Variants in KCNQ1OT1 observed in about 807,000 individuals in gnomAD.
The protein encoded by KCNQ1OT1 is KCNQ1 opposite strand/antisense transcript 1, also known as KCNQ1 antisense RNA 2 (non-protein coding).
chr11:2,640,562 CTT>C lies in KCNQ1OT1; in HGVS notation n.59431_59432del, dbSNP rs58881533. On this transcript the variant is annotated non_coding_transcript_exon_variant, in exon 1 of 1. Coordinates refer to ENST00000597346, the Ensembl canonical transcript of KCNQ1OT1. ...TGGCCCCCCAAAGCACTGGGATTTC[CTT>C]TTTTTTTTTTTTTTGACCGATACAT... 0.63 allele frequency: 241,577 copies of C among 385,424 alleles called. 52,066 individuals are homozygous for C. The highest frequency in any genetic ancestry group is 0.76 in the African/African-American group (34,506 of 45,676). The allele number at this position is 385,424 out of a possible 1,614,324, so 23.9% of individuals were successfully genotyped here. A position where few individuals can be genotyped will look rare whatever the true frequency, so the allele number is the denominator to read the frequency against.
chr11:2,662,134 G>A, exon 1 of KCNQ1OT1: 2 of 1,611,776 alleles, frequency 1.2e-6, no homozygotes, highest in Non-Finnish European at 1.7e-6. Context: ...TGGAGCTCAA[G>A]GAGTCAGACT....
rs1419448294 is a variant in KCNQ1OT1, at chr11:2,687,811, C to T, written n.12184G>A. On this transcript the variant is annotated non_coding_transcript_exon_variant, in exon 1 of 1. Coordinates refer to ENST00000597346, the Ensembl canonical transcript of KCNQ1OT1. The surrounding 1 kb of genome is among the most constrained non-coding windows in gnomAD (Gnocchi z 5.0). Reference sequence around the variant, plus strand: ...CTAAGCCACCCAGCCTGGCCCCCCTCCTCTGCCCCAACTGGCTCCAGGCCA... The same window carrying T: ...CTAAGCCACCCAGCCTGGCCCCCCTTCTCTGCCCCAACTGGCTCCAGGCCA... 3 of 398,660 alleles carry T rather than the reference C, an allele frequency of 7.5e-6. No homozygotes were observed. Among genetic ancestry groups the T allele is most frequent in the Non-Finnish European group, 1.3e-5 (3 of 226,196 alleles). The allele number at this position is 398,660 out of a possible 1,614,324, so 24.7% of individuals were successfully genotyped here.
rs1425107328 is a variant in KCNQ1OT1, at chr11:2,627,137, C to T, written n.72858G>A. 2.5e-6 allele frequency: 1 copy of T among 398,322 alleles called. No homozygotes were observed. The highest frequency in any genetic ancestry group is 4.4e-5 in the Admixed American group (1 of 22,698). The allele number at this position is 398,322 out of a possible 1,614,324, so 24.7% of individuals were successfully genotyped here. A position where few individuals can be genotyped will look rare whatever the true frequency, so the allele number is the denominator to read the frequency against. Reference sequence around the variant, plus strand: ...TTTCATTGTACAAGACTTTCACCTCCTTGGTAAAGTTGGTTCCTAAGTTTG... The same window carrying T: ...TTTCATTGTACAAGACTTTCACCTCTTTGGTAAAGTTGGTTCCTAAGTTTG... On this transcript the variant is annotated non_coding_transcript_exon_variant, in exon 1 of 1. Coordinates refer to ENST00000597346, the Ensembl canonical transcript of KCNQ1OT1. This position sits in a 1 kb window ranked among gnomAD's most constrained non-coding sequence, Gnocchi z 4.9.
At chr11:2,646,360 G>A in exon 1 of KCNQ1OT1, 2 of 398,512 alleles carry the variant, frequency 5.0e-6, no homozygotes, top group East Asian at 7.1e-5. Context: ...AAAAAATTTT[G>A]TAGCCTCTTC....
At chr11:2,655,417 C>G (rs1195040987) in exon 1 of KCNQ1OT1, 2 of 398,556 alleles carry the variant, frequency 5.0e-6, no homozygotes, top group Non-Finnish European at 8.8e-6. Context: ...CTCTTTGTCC[C>G]CAGGGCCAGC....
chr11:2,655,934 C>T (rs545164415), exon 1 of KCNQ1OT1: 14 of 398,714 alleles, frequency 3.5e-5, no homozygotes, highest in African/African-American at 2.5e-4. Context: ...CCAAAAAGCA[C>T]ACATTCCTCT....
At position 2,665,151 on chromosome 11, in the gene KCNQ1OT1, AC is replaced by A. The variant is rs1405647895; in HGVS notation, n.34843del. On this transcript the variant is annotated non_coding_transcript_exon_variant, in exon 1 of 1. Transcript: ENST00000597346. ...GTGGGCCCTACTGCTCAGCCTCAGGACCCTCAACCAGCTCTGGGCGGCCAGG... is the reference window on the plus strand; with the variant it reads ...GTGGGCCCTACTGCTCAGCCTCAGGACCTCAACCAGCTCTGGGCGGCCAGG... 4.5e-5 allele frequency: 18 copies of A among 398,482 alleles called. No homozygotes were observed. The East Asian group carries it at 5.7e-4, about 13-fold the overall frequency. The allele number at this position is 398,482 out of a possible 1,614,324, so 24.7% of individuals were successfully genotyped here.
At position 2,651,885 on chromosome 11, in the gene KCNQ1OT1, G is replaced by T. The variant is rs566632405; in HGVS notation, n.48110C>A. On this transcript the variant is annotated non_coding_transcript_exon_variant, in exon 1 of 1. Transcript: ENST00000597346. The surrounding 1 kb of genome is among the most constrained non-coding windows in gnomAD (Gnocchi z 6.1). ...TTGAAGTAGTGTTCAGGCTGAGGGG[G>T]TCATAGCCGAGGGTCCCTCTGGGGC... 7.5e-5 allele frequency: 30 copies of T among 398,746 alleles called. 1 individual carries two copies. In the South Asian group the frequency reaches 2.0e-3, roughly 27 times the overall value. The allele number at this position is 398,746 out of a possible 1,614,324, so 24.7% of individuals were successfully genotyped here.
chr11:2,613,973 A>C lies in KCNQ1OT1; in HGVS notation n.86022T>G. The stretch of plus-strand genomic sequence containing the variant: ...TAACAACATCTCCTAGAAATCACTC[A>C]ACATCCATTCACAGAGATCTTTCTC... On this transcript the variant is annotated non_coding_transcript_exon_variant, in exon 1 of 1. Coordinates refer to ENST00000597346, the Ensembl canonical transcript of KCNQ1OT1. This position sits in a 1 kb window ranked among gnomAD's most constrained non-coding sequence, Gnocchi z 4.8. 2 of 398,614 alleles carry C rather than the reference A, an allele frequency of 5.0e-6. No individual in the cohort carries two copies. Among genetic ancestry groups the C allele is most frequent in the Non-Finnish European group, 8.8e-6 (2 of 226,066 alleles). 24.7% of individuals were successfully genotyped at this position (398,614 alleles called of 1,614,324 possible). A position where few individuals can be genotyped will look rare whatever the true frequency, so the allele number is the denominator to read the frequency against.
At position 2,679,331 on chromosome 11, in the gene KCNQ1OT1, A is replaced by C. The variant is rs1850347292; in HGVS notation, n.20664T>G. ...GGTCTGGAGTCTGAACTCATATCCT[A>C]ATTCCACTACTTTCTACCTGCTACA... On this transcript the variant is annotated non_coding_transcript_exon_variant, in exon 1 of 1. Transcript: ENST00000597346. This position sits in a 1 kb window ranked among gnomAD's most constrained non-coding sequence, Gnocchi z 4.8. The C allele has an allele frequency of 2.5e-6, 1 of 398,604 alleles. No individual in the cohort carries two copies. The highest frequency in any genetic ancestry group is 4.4e-5 in the Admixed American group (1 of 22,732). 24.7% of individuals were successfully genotyped at this position (398,604 alleles called of 1,614,324 possible).
chr11:2,629,020 G>A (rs1849308455), exon 1 of KCNQ1OT1: 1 of 398,176 alleles, frequency 2.5e-6, no homozygotes, highest in Non-Finnish European at 4.4e-6. Context: ...AAATAAGCAT[G>A]TGTAATATCT....
chr11:2,649,724 A>C, exon 1 of KCNQ1OT1: 2 of 398,368 alleles, frequency 5.0e-6, no homozygotes, highest in Admixed American at 4.4e-5. Context: ...CTTGTTTTTT[A>C]AATTCTCTCT....
In KCNQ1OT1 at chr11:2,699,716, GA is replaced by G. The variant is rs1564862674; in HGVS notation, n.278del. On this transcript the variant is annotated non_coding_transcript_exon_variant, in exon 1 of 1. Coordinates refer to ENST00000597346, the Ensembl canonical transcript of KCNQ1OT1. ...GTGCCCCGAGGAGAACGGCGCCGAG[GA>G]GTCCCCGGGGAGAACTGCGCCGAGG... The G allele has an allele frequency of 8.0e-4, 282 of 350,736 alleles. 2 individuals carry two copies. The highest frequency in any genetic ancestry group is 3.0e-3 in the Middle Eastern group (4 of 1,354). The allele number at this position is 350,736 out of a possible 1,614,324, so 21.7% of individuals were successfully genotyped here. A position where few individuals can be genotyped will look rare whatever the true frequency, so the allele number is the denominator to read the frequency against.
chr11:2,650,418 T>G, exon 1 of KCNQ1OT1: 1 of 398,654 alleles, frequency 2.5e-6, no homozygotes, highest in East Asian at 3.6e-5. Flanking sequence ...TAAGGACTTT[T>G]CCTGTACACG....
At chr11:2,632,253 G>T in exon 1 of KCNQ1OT1, 1 of 395,226 alleles carries the variant, frequency 2.5e-6, no homozygotes, top group Non-Finnish European at 4.5e-6. Context: ...CTACTTTGCT[G>T]AATTAATTTA....
rs966209926 is a variant in KCNQ1OT1, at chr11:2,611,472, A to T, written n.88523T>A. On this transcript the variant is annotated non_coding_transcript_exon_variant, in exon 1 of 1. Coordinates refer to ENST00000597346, the Ensembl canonical transcript of KCNQ1OT1. The surrounding 1 kb of genome is among the most constrained non-coding windows in gnomAD (Gnocchi z 5.3). ...AGTGATCTGTCTGCCTCAGCCTCCC[A>T]AAATGCTGGGATTACAGGTGTGAGC... 3 of 398,110 alleles carry T rather than the reference A, an allele frequency of 7.5e-6. No individual in the cohort carries two copies. The Admixed American group carries it at 1.3e-4, about 18-fold the overall frequency. The allele number at this position is 398,110 out of a possible 1,614,324, so 24.7% of individuals were successfully genotyped here.
exon 1 of KCNQ1OT1, chr11:2,630,011 G>C (rs994288099): frequency 1.3e-4 from 52 of 397,092 alleles, no homozygotes; most frequent in African/African-American, 1.7e-4. Context: ...TTAGAGGAGA[G>C]GCATTCAGCT....
At chr11:2,697,085 T>A (rs1472329344) in exon 1 of KCNQ1OT1, 1 of 398,488 alleles carries the variant, frequency 2.5e-6, no homozygotes, top group African/African-American at 2.1e-5. Flanking sequence ...CTCGACATTA[T>A]TTGCCTTTTC....
At chr11:2,631,582 T>C (rs772450621) in exon 1 of KCNQ1OT1, 8 of 398,490 alleles carry the variant, frequency 2.0e-5, no homozygotes, top group Non-Finnish European at 3.5e-5. Flanking sequence ...CCCAATTTCT[T>C]GGGAGTCAGT....
Sources: gnomAD v4.1 joint callset for allele counts on GRCh38, gnomAD v4.1.1 for gene constraint, Gnocchi (gnomAD v3.1) non-coding constraint, MANE v1.5 for transcripts, NCBI Gene and HGNC (gene_info 2026-07-23, HGNC 2026-07-21) for gene names.